Variants in FHIP2A observed in about 807,000 individuals in gnomAD.
FHIP2A encodes the protein family with sequence similarity 160 member B1.
FHIP2A carries 46 observed loss-of-function variants against 93.5 expected under a neutral mutation model. The observed-to-expected ratio is 0.49, with a 90% CI of 0.39 to 0.63. The LOEUF is 0.63. Among genes scored for constraint, FHIP2A ranks in the 20% least tolerant of loss-of-function variants. The pLI is 0.00. For missense variants in FHIP2A, 769 were observed against 909.7 expected, an observed-to-expected ratio of 0.85 and a Z score of 1.99; for synonymous variants, 332 against 326.5, an observed-to-expected ratio of 1.02 and a Z score of -0.18.
At position 114,863,716 on chromosome 10, in the gene FHIP2A, C is replaced by T; in HGVS notation, c.*2176C>T. On this transcript the variant is annotated 3_prime_UTR_variant, in exon 17 of 17. Transcript: ENST00000369248. ...TTGTTAGTGAAACATTGTACTGCAT[C>T]ACCAGTTTTTCTTACCTTCTGTTGA... 1 of 1,297,910 alleles carries T rather than the reference C, an allele frequency of 7.7e-7. No individual in the cohort carries two copies. Among genetic ancestry groups the T allele is most frequent in the Non-Finnish European group, 1.0e-6 (1 of 986,948 alleles). The allele number at this position is 1,297,910 out of a possible 1,614,324, so 80.4% of individuals were successfully genotyped here.
intron 16 of FHIP2A, among the ~76,000 whole-genome samples, chr10:114,891,572 TGCAC>T (rs2083974832): frequency 7.0e-6 from 1 of 143,824 alleles, no homozygotes; most frequent in African/African-American, 2.6e-5. Context: ...TGTGTGTGTG[TGCAC>T]GCGTATGTAT....
At chr10:114,856,436 T>A (rs1336232909) in intron 14 of FHIP2A, among the ~76,000 whole-genome samples, 1 of 152,206 alleles carries the variant, frequency 6.6e-6, no homozygotes, top group Non-Finnish European at 1.5e-5. Flanking sequence ...GTAAACCTCC[T>A]GGGTAGCCAG....
intron 3 of FHIP2A, among the ~76,000 whole-genome samples, chr10:114,833,694 AG>A (rs1192145639): frequency 1.3e-5 from 2 of 152,212 alleles, no homozygotes; most frequent in Non-Finnish European, 2.9e-5. Flanking sequence ...AAGAGATAGA[AG>A]GAAGTCAGTT....
At chr10:114,848,501 C>G in intron 12 of FHIP2A, 146 bp from the exon 13 acceptor site, 1 of 576,784 alleles carries the variant, frequency 1.7e-6, no homozygotes, top group Non-Finnish European at 3.1e-6. Flanking sequence ...CTTAGCTGAA[C>G]TTACGATATC....
At chr10:114,884,828 C>G (rs1040929097) in intron 16 of FHIP2A, among the ~76,000 whole-genome samples, 4 of 151,074 alleles carry the variant, frequency 2.6e-5, no homozygotes, top group Admixed American at 1.3e-4. Context: ...GCAGGAGAAT[C>G]GCTTGAACCT....
At chr10:114,854,875 T>G (rs997531010) in intron 13 of FHIP2A, among the ~76,000 whole-genome samples, 7 of 152,370 alleles carry the variant, frequency 4.6e-5, no homozygotes, top group Admixed American at 3.3e-4. Context: ...CTTTGCTTTT[T>G]AAATGTCCTC....
intron 16 of FHIP2A, among the ~76,000 whole-genome samples, chr10:114,878,791 A>AAAAAAAAAAAAAAG (rs1555247326): frequency 7.4e-6 from 1 of 135,460 alleles, no homozygotes. Context: ...AAAAAAAAAA[A>AAAAAAAAAAAAAAG]AAAGAAAGAA....
At chr10:114,831,507 A>T (rs1032227859) in intron 2 of FHIP2A, among the ~76,000 whole-genome samples, 12 of 152,220 alleles carry the variant, frequency 7.9e-5, no homozygotes, top group African/African-American at 2.9e-4. Flanking sequence ...CAGTGTGGAT[A>T]GAGCTTGAAC....
chr10:114,846,720 A>G lies in FHIP2A; in HGVS notation c.1560A>G (p.Ala520=). 2 of 1,597,256 alleles carry G rather than the reference A, an allele frequency of 1.3e-6. No homozygotes were observed. Among genetic ancestry groups the G allele is most frequent in the Non-Finnish European group, 1.7e-6 (2 of 1,175,188 alleles). ...ATGTGGTAGAAAATGGATTGATAGC[A>G]GGAGCAGTGTAAGTTTCCATCCAAC... is the stretch of plus-strand genomic sequence containing the variant. ...DKDVVENGLI[A]GAVDLEEDPL... The change falls in exon 11 of 17, where the codon GCA becomes GCG. Residue 520 remains alanine, a synonymous_variant. Transcript: ENST00000369248.
chr10:114,852,960 A>G (rs2083745547), intron 13 of FHIP2A, among the ~76,000 whole-genome samples: 1 of 152,208 alleles, frequency 6.6e-6, no homozygotes, highest in Non-Finnish European at 1.5e-5. Flanking sequence ...ACTGTCTTCA[A>G]CATCCAGATT....
At chr10:114,822,320 G>C (rs904742459) in intron 1 of FHIP2A, among the ~76,000 whole-genome samples, 197 bp downstream of exon 1, 1 of 151,398 alleles carries the variant, frequency 6.6e-6, no homozygotes, top group African/African-American at 2.4e-5. Flanking sequence ...CTGGCTCTGC[G>C]GGGGTCCCGT....
chr10:114,833,090 A>AT (rs1392059296), intron 2 of FHIP2A, 143 bp from the exon 3 acceptor site: 6 of 617,486 alleles, frequency 9.7e-6, no homozygotes, highest in Non-Finnish European at 1.7e-5. Flanking sequence ...AGAGATAATC[A>AT]TACTGTGTTT....
chr10:114,896,884 T>A (rs948230491), intron 16 of FHIP2A, among the ~76,000 whole-genome samples: 6 of 152,238 alleles, frequency 3.9e-5, no homozygotes, highest in Admixed American at 2.0e-4. Context: ...GCAGATTTTC[T>A]CCTTACTTGT....
At chr10:114,873,955 A>G (rs1332443949) in intron 16 of FHIP2A, among the ~76,000 whole-genome samples, 1 of 152,078 alleles carries the variant, frequency 6.6e-6, no homozygotes, top group Non-Finnish European at 1.5e-5. Context: ...GAGGGGGAAA[A>G]AAAAAAACAA....
downstream of FHIP2A, among the ~76,000 whole-genome samples, chr10:114,868,412 C>T (rs1259388897): frequency 1.3e-5 from 2 of 152,116 alleles, no homozygotes; most frequent in African/African-American, 4.8e-5. Context: ...TCAGGTGGAA[C>T]AGTTGCATCC....
chr10:114,823,793 C>T (rs1320138838), intron 1 of FHIP2A, among the ~76,000 whole-genome samples: 3 of 151,946 alleles, frequency 2.0e-5, no homozygotes, highest in South Asian at 4.1e-4. Flanking sequence ...CCACCACACC[C>T]GGCCCGAATC....
rs780790031 is a variant in FHIP2A, at chr10:114,843,021, C to T, written c.611C>T (p.Thr204Ile). The T allele has an allele frequency of 8.1e-6, 13 of 1,613,604 alleles. No individual in the cohort carries two copies. In the Middle Eastern group the frequency reaches 4.9e-4, roughly 61 times the overall value. ...GGTCAGGATTCCTTGTCAACAGATA[C>T]AGGACAGTCCCGTCAACCAGAGGAA... ...LKGQDSLSTDTGQSRQPEELS... is the reference protein window; with the variant it reads ...LKGQDSLSTDIGQSRQPEELS... Residue 204 changes from threonine (T) to isoleucine (I), a missense_variant, in exon 6 of 17, where the codon ACA (threonine) becomes ATA (isoleucine). Physicochemically the swap from Thr to Ile is moderately conservative, Grantham distance 89. Transcript: ENST00000369248.
At chr10:114,854,572 A>G (rs964756666) in intron 13 of FHIP2A, among the ~76,000 whole-genome samples, 2 of 152,218 alleles carry the variant, frequency 1.3e-5, no homozygotes, top group South Asian at 4.1e-4. Context: ...TTTCATAGTT[A>G]GATTCAACAG....
intron 1 of FHIP2A, among the ~76,000 whole-genome samples, chr10:114,828,103 T>A (rs2083587735): frequency 6.6e-6 from 1 of 152,208 alleles, no homozygotes; most frequent in South Asian, 2.1e-4. Context: ...CAGAAAGTTT[T>A]ACATAAATAA....
Sources: allele counts gnomAD v4.1 joint callset (sites outside exome capture counted in the v4.1 genomes callset), GRCh38; gene constraint gnomAD v4.1.1; transcripts MANE v1.5; gene names NCBI Gene and HGNC (gene_info 2026-07-23, HGNC 2026-07-21).